CENPC: variants seen among roughly 807,000 people sequenced by gnomAD.
CENPC encodes the protein centromere protein C.
CENPC carries 63 observed loss-of-function variants against 112.1 expected under a neutral mutation model. The ratio of observed to expected loss-of-function variants is 0.56; its 90% CI spans 0.46 to 0.69. The LOEUF is 0.69. CENPC is among the 30% of genes least tolerant of loss of function. The pLI, the probability that CENPC is intolerant of heterozygous loss-of-function variation, is 0.00. For missense variants in CENPC, 1,000 were observed against 1,103.8 expected (o/e 0.91, Z 1.33); for synonymous variants, 333 against 367.6 (o/e 0.91, Z 1.08).
chr4:67,486,431 T>G (rs1450246853), intron 17 of CENPC, among the ~76,000 whole-genome samples: 1 of 152,180 alleles, frequency 6.6e-6, no homozygotes, highest in Non-Finnish European at 1.5e-5. Flanking sequence ...ATAGTCAAAT[T>G]TCCAATCATC....
intron 12 of CENPC, among the ~76,000 whole-genome samples, chr4:67,502,448 TA>T (rs1725618018): frequency 6.6e-6 from 1 of 152,056 alleles, no homozygotes. Context: ...ATACTAATAT[TA>T]GACAAAACAA....
At chr4:67,473,149 C>T (rs1354404167) in intron 18 of CENPC, among the ~76,000 whole-genome samples, 3 of 151,840 alleles carry the variant, frequency 2.0e-5, no homozygotes, top group South Asian at 2.1e-4. Context: ...AGGCAGGTCT[C>T]GAACTCCTGG....
chr4:67,533,201 A>G (rs1726611910), intron 4 of CENPC, among the ~76,000 whole-genome samples: 1 of 152,206 alleles, frequency 6.6e-6, no homozygotes, highest in Non-Finnish European at 1.5e-5. Flanking sequence ...TTCCCATGCT[A>G]TTCTCGTGAT....
intron 5 of CENPC, 73 bp from the exon 6 acceptor site, chr4:67,519,575 T>C (rs1270191919): frequency 2.0e-6 from 2 of 1,012,296 alleles, no homozygotes; most frequent in Non-Finnish European, 2.7e-6. Flanking sequence ...TTTTTAAAAA[T>C]TCTGCAATAA....
intron 8 of CENPC, 43 bp downstream of exon 8, chr4:67,514,031 G>A: frequency 6.7e-7 from 1 of 1,488,592 alleles, no homozygotes; most frequent in Non-Finnish European, 8.9e-7. Context: ...AACATAAAAT[G>A]GGTAGAATAA....
At position 67,494,001 on chromosome 4, in the gene CENPC, G is replaced by A. The variant is rs748888225; in HGVS notation, c.2186-13C>T. ...TTGGAGGGCAATACTATAAAAAGAT[G>A]TCAGACAAAAGTGTATACATAGTTT... On this transcript the variant is annotated splice_polypyrimidine_tract_variant and intron_variant, in intron 13 of 18. Coordinates refer to ENST00000273853, the MANE Select transcript of CENPC (RefSeq NM_001812.4). The A allele has an allele frequency of 3.8e-6, 6 of 1,573,984 alleles. No individual in the cohort carries two copies. The South Asian group carries it at 4.6e-5, about 12-fold the overall frequency.
rs1393091956 is a variant in CENPC at position 67,471,663 on chromosome 4, T to C, written c.*942A>G. ...CCAGAGTTGCTTTAAATGTGTGTAT[T>C]TAATGGTTAAATAAGACCTGAAAAG... On this transcript the variant is annotated 3_prime_UTR_variant, in exon 19 of 19. Transcript: ENST00000273853. 1.7e-4 allele frequency: 26 copies of C among 152,186 alleles called. No individual in the cohort carries two copies. Among genetic ancestry groups the C allele is most frequent in the African/African-American group, 6.3e-4 (26 of 41,448 alleles). 9.4% of individuals were successfully genotyped at this position (152,186 alleles called of 1,614,324 possible).
At position 67,484,869 on chromosome 4, in the gene CENPC, G is replaced by A. The variant is rs548940836; in HGVS notation, c.2670+5098C>T. 1.1e-4 allele frequency among the ~76,000 whole-genome samples: 16 copies of A among 152,118 alleles called. 1 individual carries two copies. Among genetic ancestry groups the A allele is most frequent in the Non-Finnish European group, 1.2e-4 (8 of 68,030 alleles). ...AGCACTTTGGGAGGCCTAGGTGGGC[G>A]GATCACGAGGTCAGGAGATCGAGAC... On this transcript the variant is annotated intron_variant, in intron 17 of 18. Coordinates refer to ENST00000273853, the MANE Select transcript of CENPC (RefSeq NM_001812.4).
At chr4:67,504,700 T>C (rs1444977086) in intron 12 of CENPC, among the ~76,000 whole-genome samples, 1 of 152,002 alleles carries the variant, frequency 6.6e-6, no homozygotes, top group Non-Finnish European at 1.5e-5. Flanking sequence ...CAGGTGCCTG[T>C]AATCCCAGCT....
At chr4:67,509,924 T>C (rs1300611601) in intron 9 of CENPC, among the ~76,000 whole-genome samples, 1 of 152,118 alleles carries the variant, frequency 6.6e-6, no homozygotes, top group African/African-American at 2.4e-5. Context: ...TCCAAATACT[T>C]CAACATCAAT....
intron 5 of CENPC, among the ~76,000 whole-genome samples, chr4:67,522,145 T>G (rs1012130502): frequency 5.3e-5 from 8 of 152,212 alleles, no homozygotes; most frequent in Non-Finnish European, 1.2e-4. Flanking sequence ...AAGTGACGTG[T>G]GTATATAAAC....
Position 67,474,894 on chromosome 4 carries a change from G to T in CENPC, c.2755C>A (p.Pro919Thr). The change falls in exon 18 of 19, where the codon CCT (proline) becomes ACT (threonine). Residue 919 changes from proline to threonine, a missense_variant. Transcript: ENST00000273853. Reference sequence around the variant, plus strand: ...GTGAAATAAATTGTCTTACCTGAAGGAACATAGAACGAATCCCCAGTACTT... The same window carrying T: ...GTGAAATAAATTGTCTTACCTGAAGTAACATAGAACGAATCCCCAGTACTT... ...ILSTGDSFYV[P>T]SGNYYNIKNL... is the part of the protein sequence containing the mutation. 1 of 1,557,506 alleles carries T rather than the reference G, an allele frequency of 6.4e-7. No individual in the cohort carries two copies. Among genetic ancestry groups the T allele is most frequent in the South Asian group, 1.2e-5 (1 of 84,818 alleles).
chr4:67,512,251 T>C (rs1402887828), intron 9 of CENPC, 151 bp downstream of exon 9: 11 of 598,766 alleles, frequency 1.8e-5, no homozygotes, highest in Non-Finnish European at 2.8e-5. Context: ...CTTCAAGGAA[T>C]ATCTTTACCA....
At chr4:67,484,284 A>G (rs1354284775) in intron 17 of CENPC, among the ~76,000 whole-genome samples, 2 of 152,236 alleles carry the variant, frequency 1.3e-5, no homozygotes, top group East Asian at 1.9e-4. Context: ...GTAGTAGGCT[A>G]TATCATCTTA....
chr4:67,535,215 C>G (rs1726681450), intron 4 of CENPC, among the ~76,000 whole-genome samples: 1 of 151,862 alleles, frequency 6.6e-6, no homozygotes, highest in African/African-American at 2.4e-5. Context: ...ACCCAAATTA[C>G]CCATCATGAA....
rs547802545 is a variant in CENPC, at chr4:67,523,362, T to C, written c.332-3860A>G. On this transcript the variant is annotated intron_variant, in intron 5 of 18. Transcript: ENST00000273853. ...GTAAGACTGAAGGCAAAAGAAACTG[T>C]ACATAAGCACTATTCTCTAGTTGAT... 5.3e-5 allele frequency among the ~76,000 whole-genome samples: 8 copies of C among 152,276 alleles called. 1 individual carries two copies. The South Asian group carries it at 1.7e-3, about 32-fold the overall frequency.
At chr4:67,500,377 T>C (rs976514972) in intron 12 of CENPC, among the ~76,000 whole-genome samples, 1 of 151,784 alleles carries the variant, frequency 6.6e-6, no homozygotes, top group Non-Finnish European at 1.5e-5. Context: ...TATATATATC[T>C]ATTTCCTATC....
chr4:67,515,776 T>C (rs1726042958), intron 7 of CENPC, among the ~76,000 whole-genome samples: 1 of 151,892 alleles, frequency 6.6e-6, no homozygotes, highest in African/African-American at 2.4e-5. Context: ...GGAGTGTATC[T>C]AGAAAGGTAG....
intron 9 of CENPC, 97 bp from the exon 10 acceptor site, chr4:67,509,202 A>G (rs2109798079): frequency 3.7e-6 from 2 of 544,046 alleles, no homozygotes; most frequent in East Asian, 6.1e-5. Context: ...ATAAACATAT[A>G]CACATACACA....
Sources: gnomAD v4.1 joint callset for allele counts (sites outside exome capture counted in the v4.1 genomes callset) on GRCh38, gnomAD v4.1.1 for gene constraint, MANE v1.5 for transcripts, NCBI Gene and HGNC (gene_info 2026-07-23, HGNC 2026-07-21) for gene names.